The following SSR1 variants were observed in gnomAD, a reference collection of about 807,000 sequenced individuals.
SSR1 encodes the protein signal sequence receptor subunit 1, also known as translocon-associated protein subunit alpha.
In SSR1, 13 loss-of-function variants were observed where a neutral mutation model predicts 36.1. The ratio of observed to expected loss-of-function variants is 0.36; its 90% CI spans 0.23 to 0.57. SSR1 has a LOEUF of 0.57. SSR1 is among the 20% of genes least tolerant of loss of function. SSR1 has a pLI of 0.81. For synonymous variants in SSR1, 113 were observed against 118.9 expected (o/e 0.95, Z 0.32); for missense variants, 291 against 338.5 (o/e 0.86, Z 1.10).
chr6:7,301,553 A>G lies in SSR1; in HGVS notation c.300T>C (p.Ile100=). Reference sequence around the variant, plus strand: ...TGGTAAAGCCTACCAGGAACTTCACAATGTTATTTGCTGGAAAATCTGAGA... The same window carrying G: ...TGGTAAAGCCTACCAGGAACTTCACGATGTTATTTGCTGGAAAATCTGAGA... The part of the protein sequence containing the change: ...VKGEDFPANN[I]VKFLVGFTNK... Residue 100 remains isoleucine, a synonymous_variant, in exon 4 of 8, where the codon ATT becomes ATC. Transcript: ENST00000244763. The G allele has an allele frequency of 6.2e-7, 1 of 1,609,382 alleles. No homozygotes were observed. Among genetic ancestry groups the G allele is most frequent in the Non-Finnish European group, 8.5e-7 (1 of 1,178,934 alleles).
chr6:7,309,782 T>C (rs984136688), intron 2 of SSR1, 135 bp downstream of exon 2: 3 of 740,902 alleles, frequency 4.0e-6, no homozygotes, highest in African/African-American at 3.5e-5. Context: ...TCCCCAGTCA[T>C]GCTGAACTGT....
chr6:7,311,797 TATTA>T (rs1463924804), intron 1 of SSR1, among the ~76,000 whole-genome samples: 6 of 152,226 alleles, frequency 3.9e-5, no homozygotes, highest in Admixed American at 2.6e-4. Context: ...GTTTACAAGA[TATTA>T]ATTCAGTTTA....
At chr6:7,294,169 T>G (rs773748117) in intron 7 of SSR1, among the ~76,000 whole-genome samples, 5 of 152,018 alleles carry the variant, frequency 3.3e-5, no homozygotes, top group Non-Finnish European at 7.4e-5. Flanking sequence ...ACAGAACAGG[T>G]TTAATCTATC....
chr6:7,305,593 G>A (rs1758036610), intron 2 of SSR1, among the ~76,000 whole-genome samples: 1 of 152,248 alleles, frequency 6.6e-6, no homozygotes, highest in East Asian at 1.9e-4. Flanking sequence ...GAGGATTAAT[G>A]CCTGACGTTA....
At chr6:7,307,868 G>A (rs993177047) in intron 2 of SSR1, among the ~76,000 whole-genome samples, 1 of 152,156 alleles carries the variant, frequency 6.6e-6, no homozygotes, top group African/African-American at 2.4e-5. Context: ...ACATTCTAGT[G>A]CCAGAGAGCA....
At chr6:7,306,432 T>C (rs974862551) in intron 2 of SSR1, among the ~76,000 whole-genome samples, 1 of 151,940 alleles carries the variant, frequency 6.6e-6, no homozygotes, top group South Asian at 2.1e-4. Flanking sequence ...CGTGAGCCAC[T>C]GCACCTGGCT....
intron 1 of SSR1, among the ~76,000 whole-genome samples, chr6:7,311,284 G>A (rs1038694523): frequency 2.1e-5 from 3 of 140,818 alleles, no homozygotes; most frequent in Admixed American, 2.0e-4. Context: ...ATCTATTTCA[G>A]GCAAGACCAT....
In SSR1 at chr6:7,313,044, C is replaced by A. The variant is rs761116860; in HGVS notation, c.77G>T (p.Arg26Ile). 2 of 1,603,134 alleles carry A rather than the reference C, an allele frequency of 1.2e-6. No homozygotes were observed. Among genetic ancestry groups the A allele is most frequent in the African/African-American group, 1.3e-5 (1 of 74,670 alleles). Residue 26 changes from arginine to isoleucine, a missense_variant and splice_region_variant, in exon 1 of 8, where the codon AGA (arginine) becomes ATA (isoleucine). Physicochemically the swap from Arg to Ile is moderately conservative, Grantham distance 97 (BLOSUM62 -3). Transcript: ENST00000244763. ...TCCGCACACTCCCCCAGCCTCACCT[C>A]TGGGGCCGCCTCGGAACAAGACAGT... ...PATVLFRGGP[R>I]GLLAVAQDLT...
rs902543547 is a variant in SSR1 at position 7,285,338 on chromosome 6, G to C, written c.*4526C>G. ...TGAATTTTCTTTTTAATGCCTCACT[G>C]TGCCTATTAAGCAAAATCCGTAATA... On this transcript the variant is annotated 3_prime_UTR_variant, in exon 8 of 8. Transcript: ENST00000244763. This position sits in a 1 kb window ranked among gnomAD's most constrained non-coding sequence, Gnocchi z 4.1. 1 of 152,198 alleles carries C rather than the reference G, an allele frequency of 6.6e-6. No homozygotes were observed. Among genetic ancestry groups the C allele is most frequent in the Non-Finnish European group, 1.5e-5 (1 of 68,042 alleles). 9.4% of individuals were successfully genotyped at this position (152,198 alleles called of 1,614,324 possible).
chr6:7,293,173 C>CT (rs71750113), intron 7 of SSR1, among the ~76,000 whole-genome samples: 23,448 of 144,926 alleles, frequency 0.16, 2,010 homozygotes, highest in Middle Eastern at 0.25. Flanking sequence ...CTGTGATTTC[C>CT]TTTTTTTTTT....
rs1285791601 is a variant in SSR1 at position 7,282,591 on chromosome 6, C to CA, written c.*7272dup. The CA allele has an allele frequency of 6.6e-6, 1 of 152,418 alleles. No homozygotes were observed. The highest frequency in any genetic ancestry group is 1.9e-4 in the East Asian group (1 of 5,194). The allele number at this position is 152,418 out of a possible 1,614,324, so 9.4% of individuals were successfully genotyped here. ...ATCAGTCAAAAAGCCTGTGTGGTCA[C>CA]AGATGCTTACTGGTGGTTCCTGAAA... On this transcript the variant is annotated 3_prime_UTR_variant, in exon 8 of 8. Coordinates refer to ENST00000244763, the MANE Select transcript of SSR1 (RefSeq NM_003144.5).
At chr6:7,303,496 G>T in intron 3 of SSR1, 54 bp downstream of exon 3, 2 of 1,276,916 alleles carry the variant, frequency 1.6e-6, no homozygotes, top group Non-Finnish European at 2.2e-6. Context: ...ATATGAACAA[G>T]CTCATCGTTT....
intron 2 of SSR1, among the ~76,000 whole-genome samples, chr6:7,305,239 T>C (rs1293032624): frequency 6.6e-6 from 1 of 152,162 alleles, no homozygotes; most frequent in Non-Finnish European, 1.5e-5. Flanking sequence ...AAAGAGTTTA[T>C]GGAGTAGGAC....
chr6:7,312,987 C>T lies in SSR1; in HGVS notation c.79+55G>A, dbSNP rs191307057. On this transcript the variant is annotated intron_variant, in intron 1 of 7. Transcript: ENST00000244763. ...GCCACCGCCTCCAACTTCAAACTTG[C>T]CATCACTGGCATCTCCTTCCTGGCC... 33 of 1,538,154 alleles carry T rather than the reference C, an allele frequency of 2.1e-5. No homozygotes were observed. The South Asian group carries it at 2.7e-4, about 13-fold the overall frequency.
At chr6:7,305,872 T>C (rs1016278579) in intron 2 of SSR1, among the ~76,000 whole-genome samples, 2 of 152,238 alleles carry the variant, frequency 1.3e-5, no homozygotes, top group African/African-American at 4.8e-5. Flanking sequence ...GAACACTGAT[T>C]GTGGAAAACT....
chr6:7,307,164 T>G (rs1469861341), intron 2 of SSR1, among the ~76,000 whole-genome samples: 1 of 152,096 alleles, frequency 6.6e-6, no homozygotes, highest in African/African-American at 2.4e-5. Flanking sequence ...ACAGCAGCAG[T>G]AGGTGAACTT....
intron 6 of SSR1, among the ~76,000 whole-genome samples, chr6:7,296,054 A>G (rs1757788135): frequency 6.6e-6 from 1 of 152,244 alleles, no homozygotes; most frequent in Admixed American, 6.5e-5. Context: ...TAAGCTAAAT[A>G]CAATTAAACA....
Position 7,284,214 on chromosome 6 carries a change from C to A in SSR1, c.*5650G>T, listed in dbSNP as rs985229157. 6 of 152,228 alleles carry A rather than the reference C, an allele frequency of 3.9e-5. No homozygotes were observed. The East Asian group carries it at 7.7e-4, about 20-fold the overall frequency. The allele number at this position is 152,228 out of a possible 1,614,324, so 9.4% of individuals were successfully genotyped here. On this transcript the variant is annotated 3_prime_UTR_variant, in exon 8 of 8. Transcript: ENST00000244763. The stretch of plus-strand genomic sequence containing the variant: ...AGATGATTTTCAAAAATAACATGAA[C>A]CCCAACAGCTTCACTGAGAAATATG...
At chr6:7,303,734 T>C (rs1225152159) in intron 2 of SSR1, 97 bp from the exon 3 acceptor site, 23 of 897,818 alleles carry the variant, frequency 2.6e-5, no homozygotes, top group Admixed American at 6.6e-5. Flanking sequence ...CTCACACTTA[T>C]AATCTCAGCA....
Sources: gnomAD v4.1 joint callset for allele counts (sites outside exome capture counted in the v4.1 genomes callset) on GRCh38, gnomAD v4.1.1 for gene constraint, Gnocchi (gnomAD v3.1) non-coding constraint, MANE v1.5 for transcripts, NCBI Gene and HGNC (gene_info 2026-07-23, HGNC 2026-07-21) for gene names.